Variants in STK39 observed in about 807,000 individuals in gnomAD.
STK39 encodes the protein serine/threonine kinase 39, also known as STE20/SPS1-related proline-alanine-rich protein kinase.
A neutral mutation model predicts 77.8 loss-of-function variants in STK39; 20 were observed. The observed-to-expected ratio is 0.26, with a 90% CI of 0.18 to 0.37. The LOEUF is 0.37. STK39 is among the 10% of genes least tolerant of loss of function. The pLI is 1.00. For synonymous variants in STK39, 246 were observed against 234.1 expected, an observed-to-expected ratio of 1.05 and a Z score of -0.47; for missense variants, 479 against 656.5, an observed-to-expected ratio of 0.73 and a Z score of 2.95.
intron 10 of STK39, among the ~76,000 whole-genome samples, chr2:168,104,681 T>C (rs760832596): frequency 1.3e-5 from 2 of 152,218 alleles, no homozygotes; most frequent in Admixed American, 6.5e-5. Context: ...AGCTGAAGCT[T>C]ACCATTCTGA....
chr2:168,103,053 C>T (rs546324214), intron 10 of STK39, among the ~76,000 whole-genome samples: 1 of 151,348 alleles, frequency 6.6e-6, no homozygotes, highest in East Asian at 2.0e-4. Flanking sequence ...GATGATGAGG[C>T]TACATCCCTG....
At chr2:168,031,376 C>T (rs1304901169) in intron 14 of STK39, among the ~76,000 whole-genome samples, 1 of 152,174 alleles carries the variant, frequency 6.6e-6, no homozygotes. Flanking sequence ...AGGGATGCCC[C>T]TTCTTAAGCC....
intron 16 of STK39, among the ~76,000 whole-genome samples, chr2:167,974,593 G>A (rs544248474): frequency 2.4e-4 from 37 of 152,238 alleles, no homozygotes; most frequent in African/African-American, 8.4e-4. Context: ...GCTATCAATC[G>A]TAATTATGGT....
intron 5 of STK39, among the ~76,000 whole-genome samples, chr2:168,159,720 T>A (rs985249665): frequency 1.6e-4 from 24 of 152,140 alleles, no homozygotes; most frequent in African/African-American, 5.6e-4. Flanking sequence ...CCACCATACA[T>A]CTGGGAAATG....
chr2:168,021,068 G>GA (rs1684558655), intron 14 of STK39, among the ~76,000 whole-genome samples: 2 of 151,946 alleles, frequency 1.3e-5, no homozygotes, highest in East Asian at 1.9e-4. Flanking sequence ...AAAATGACAG[G>GA]AAAAAAATGA....
intron 1 of STK39, among the ~76,000 whole-genome samples, chr2:168,206,494 G>GT (rs1689747992): frequency 6.6e-6 from 1 of 152,028 alleles, no homozygotes; most frequent in Non-Finnish European, 1.5e-5. Flanking sequence ...TAGAGACGGG[G>GT]TTTTGCCATG....
intron 10 of STK39, among the ~76,000 whole-genome samples, chr2:168,085,807 T>C (rs1408688086): frequency 1.3e-5 from 2 of 152,162 alleles, no homozygotes; most frequent in African/African-American, 4.8e-5. Flanking sequence ...TCTGGGTGGA[T>C]TTTTGCCTTA....
At chr2:168,000,833 A>T (rs1683981611) in intron 16 of STK39, among the ~76,000 whole-genome samples, 1 of 152,242 alleles carries the variant, frequency 6.6e-6, no homozygotes, top group Non-Finnish European at 1.5e-5. Context: ...AAGGAGTCTC[A>T]GAAACTGTAA....
intron 10 of STK39, among the ~76,000 whole-genome samples, chr2:168,125,229 AAAG>A (rs1428990578): frequency 6.6e-6 from 1 of 152,126 alleles, no homozygotes; most frequent in East Asian, 1.9e-4. Context: ...TCAAAAAAAA[AAAG>A]AAGATGCACA....
intron 1 of STK39, among the ~76,000 whole-genome samples, chr2:168,231,582 A>G (rs1317378637): frequency 6.6e-6 from 1 of 151,776 alleles, no homozygotes; most frequent in African/African-American, 2.4e-5. Context: ...CAACTCCTCA[A>G]GCAGAAGACT....
At chr2:168,018,814 G>T (rs1684498878) in intron 14 of STK39, among the ~76,000 whole-genome samples, 2 of 152,032 alleles carry the variant, frequency 1.3e-5, no homozygotes, top group South Asian at 4.2e-4. Context: ...TTGGTCCACA[G>T]CCTGATTTTG....
intron 1 of STK39, among the ~76,000 whole-genome samples, chr2:168,235,455 TTAA>T (rs1202959139): frequency 2.0e-5 from 3 of 152,096 alleles, no homozygotes; most frequent in Non-Finnish European, 4.4e-5. Flanking sequence ...TTTTTTTTTT[TTAA>T]TTATTATTAT....
At chr2:168,103,634 T>C (rs561751311) in intron 10 of STK39, among the ~76,000 whole-genome samples, 76 of 152,352 alleles carry the variant, frequency 5.0e-4, no homozygotes, top group African/African-American at 1.8e-3. Context: ...GGAAAGGTTA[T>C]TTCTCTTAGA....
chr2:167,966,119 C>A (rs1482895164), intron 16 of STK39, among the ~76,000 whole-genome samples: 1 of 152,140 alleles, frequency 6.6e-6, no homozygotes, highest in Non-Finnish European at 1.5e-5. Context: ...TCTTTTTCTC[C>A]TCTTTCTTTT....
intron 10 of STK39, among the ~76,000 whole-genome samples, chr2:168,088,747 C>T (rs1476084505): frequency 6.6e-6 from 1 of 152,140 alleles, no homozygotes; most frequent in Non-Finnish European, 1.5e-5. Context: ...CGTATATGCA[C>T]ATAGCATTTT....
chr2:168,083,929 G>A (rs770431005), intron 10 of STK39, among the ~76,000 whole-genome samples: 8 of 152,226 alleles, frequency 5.3e-5, no homozygotes, highest in Non-Finnish European at 8.8e-5. Context: ...GCTGCCACAG[G>A]GAGACAGCCC....
At chr2:168,242,559 AAAT>A (rs1253624645) in intron 1 of STK39, among the ~76,000 whole-genome samples, 15 of 54,198 alleles carry the variant, frequency 2.8e-4, no homozygotes, top group African/African-American at 1.1e-3. Context: ...AAAAAAAAAA[AAAT>A]ATATATATAT....
rs560693999 is a variant in STK39, at chr2:168,010,290, C to G, written c.1498+2344G>C. Among the ~76,000 whole-genome samples the G allele has an allele frequency of 1.3e-5, 2 of 152,310 alleles. 1 individual carries two copies. The highest frequency in any genetic ancestry group is 4.1e-4 in the South Asian group (2 of 4,824). On this transcript the variant is annotated intron_variant, in intron 16 of 17. Coordinates refer to ENST00000355999, the MANE Select transcript of STK39 (RefSeq NM_013233.3). ...GTCTCCTGATCTAGCCATTAATTAA[C>G]TGTTCTATTTCTTCTGGTAAACTAA... is the stretch of plus-strand genomic sequence containing the variant.
At chr2:168,140,241 C>T (rs192587222) in intron 7 of STK39, 48 bp downstream of exon 7, 484 of 1,437,754 alleles carry the variant, frequency 3.4e-4, no homozygotes, top group African/African-American at 1.5e-4. Context: ...AAACAGATTC[C>T]GTCCAATCAC....
Sources: allele counts gnomAD v4.1 joint callset (sites outside exome capture counted in the v4.1 genomes callset), GRCh38; gene constraint gnomAD v4.1.1; transcripts MANE v1.5; gene names NCBI Gene and HGNC (gene_info 2026-07-23, HGNC 2026-07-21).